KIAA1217: variants seen among roughly 807,000 people sequenced by gnomAD.
KIAA1217 encodes sickle tail protein homolog.
Under a neutral mutation model 163.9 loss-of-function variants are expected in KIAA1217, and 88 were observed. The observed-to-expected ratio is 0.54, with a 90% CI of 0.45 to 0.64. The LOEUF is 0.64. Among genes scored for constraint, KIAA1217 ranks in the 30% least tolerant of loss-of-function variants. The pLI is 0.00. For synonymous variants in KIAA1217, 903 were observed against 923.1 expected (o/e 0.98, Z 0.39); for missense variants, 2,372 against 2,475.0 (o/e 0.96, Z 0.88).
intron 2 of KIAA1217, among the ~76,000 whole-genome samples, chr10:24,359,044 T>C (rs2049521603): frequency 1.9e-5 from 2 of 107,184 alleles, no homozygotes; most frequent in African/African-American, 5.4e-5. Flanking sequence ...TCTAATACTT[T>C]CTTTCTTTCT....
In KIAA1217 at chr10:23,695,840, G is replaced by T. The variant is rs554166377; in HGVS notation, c.-321+606G>T. On this transcript the variant is annotated intron_variant, in intron 1 of 18. Coordinates refer to the KIAA1217 transcript ENST00000376462. This position sits in a 1 kb window ranked among gnomAD's most constrained non-coding sequence, Gnocchi z 4.9. The stretch of plus-strand genomic sequence containing the variant: ...GCAGGAGGCGAATGTGACGCTTAGG[G>T]TCGCTACGGTTGATGTTGGGCGCCT... Among the ~76,000 whole-genome samples, 5 of 152,224 alleles carry T rather than the reference G, an allele frequency of 3.3e-5. No individual in the cohort carries two copies. The highest frequency in any genetic ancestry group is 5.9e-5 in the Non-Finnish European group (4 of 68,046).
At chr10:23,773,865 A>G (rs368053172) in intron 1 of KIAA1217, among the ~76,000 whole-genome samples, 2,943 of 152,214 alleles carry the variant, frequency 0.019, 40 homozygotes, top group Middle Eastern at 0.075. Flanking sequence ...TTGGGCTGAG[A>G]CAATGGGGTT....
At chr10:24,388,709 A>C (rs2054388495) in intron 3 of KIAA1217, among the ~76,000 whole-genome samples, 1 of 144,390 alleles carries the variant, frequency 6.9e-6, no homozygotes, top group African/African-American at 2.5e-5. Flanking sequence ...AAACAAATTT[A>C]CAAGAAAAAA....
intron 2 of KIAA1217, among the ~76,000 whole-genome samples, chr10:24,257,212 T>G (rs759132600): frequency 2.6e-5 from 4 of 152,182 alleles, no homozygotes; most frequent in Non-Finnish European, 5.9e-5. Context: ...GCTCTTCAGT[T>G]TCTACCTGGT....
chr10:24,242,019 T>C (rs990030379), intron 2 of KIAA1217, among the ~76,000 whole-genome samples: 3 of 152,210 alleles, frequency 2.0e-5, no homozygotes, highest in African/African-American at 7.2e-5. Flanking sequence ...TTAGGCTGCA[T>C]TGAGGACTCT....
At chr10:24,013,802 G>A (rs553128510) in intron 2 of KIAA1217, among the ~76,000 whole-genome samples, 7 of 152,080 alleles carry the variant, frequency 4.6e-5, no homozygotes, top group Non-Finnish European at 7.4e-5. Flanking sequence ...TTGGCCATGC[G>A]CTATGGGGAG....
chr10:23,796,248 A>T lies in KIAA1217; in HGVS notation c.-321+101014A>T, dbSNP rs146792738. 2.6e-5 allele frequency among the ~76,000 whole-genome samples: 4 copies of T among 152,178 alleles called. No homozygotes were observed. In the East Asian group the frequency reaches 7.7e-4, roughly 29 times the overall value. ...AGTCTTGACCCTGACCCTCTAAATG[A>T]CCTTGTCTTAGTCACTTCACCTCTG... On this transcript the variant is annotated intron_variant, in intron 1 of 18. Coordinates refer to the KIAA1217 transcript ENST00000376462.
At chr10:24,037,764 A>G (rs993796236) in intron 2 of KIAA1217, among the ~76,000 whole-genome samples, 1 of 152,358 alleles carries the variant, frequency 6.6e-6, no homozygotes, top group South Asian at 2.1e-4. Context: ...CACAATTCAA[A>G]CAATATCATT....
intron 1 of KIAA1217, among the ~76,000 whole-genome samples, chr10:23,765,108 A>G (rs1306310119): frequency 6.6e-6 from 1 of 151,600 alleles, no homozygotes; most frequent in Non-Finnish European, 1.5e-5. Context: ...CTATAATATT[A>G]TAATAGTTAT....
At chr10:23,889,933 T>C (rs1036813465) in intron 1 of KIAA1217, among the ~76,000 whole-genome samples, 2 of 151,842 alleles carry the variant, frequency 1.3e-5, no homozygotes, top group African/African-American at 4.8e-5. Flanking sequence ...CAGAAGACAA[T>C]GTCATATCTT....
intron 1 of KIAA1217, among the ~76,000 whole-genome samples, chr10:23,861,398 G>A (rs1245336853): frequency 6.6e-6 from 1 of 152,192 alleles, no homozygotes; most frequent in Non-Finnish European, 1.5e-5. Flanking sequence ...TAGGCAGAAT[G>A]AACTCCAAAG....
intron 10 of KIAA1217, among the ~76,000 whole-genome samples, chr10:24,515,537 G>T (rs2069976567): frequency 6.6e-6 from 1 of 152,170 alleles, no homozygotes; most frequent in African/African-American, 2.4e-5. Context: ...GGCTTTATCT[G>T]GTTGGATTTG....
At chr10:23,940,485 GAAAAAAGA>G (rs1843722834) in intron 1 of KIAA1217, among the ~76,000 whole-genome samples, 4 of 113,884 alleles carry the variant, frequency 3.5e-5, no homozygotes, top group Non-Finnish European at 7.6e-5. Flanking sequence ...AAAAAAAAAA[GAAAAAAGA>G]AAAAAAGAAA....
chr10:23,799,568 G>A (rs932582280), intron 1 of KIAA1217, among the ~76,000 whole-genome samples: 3 of 152,100 alleles, frequency 2.0e-5, no homozygotes, highest in Admixed American at 6.5e-5. Flanking sequence ...ACCAACATGG[G>A]ATTTGGATGT....
At position 24,522,594 on chromosome 10, in the gene KIAA1217, T is replaced by A. The variant is rs188456585; in HGVS notation, c.2456+665T>A. On this transcript the variant is annotated intron_variant, in intron 12 of 20. Transcript: ENST00000376454. ...AAGGTAAACCTGCTCACCGAAGAGG[T>A]CACAGTGGAGTAAAGACCAAAAGAC... is the stretch of plus-strand genomic sequence containing the variant. 2.4e-3 allele frequency among the ~76,000 whole-genome samples: 368 copies of A among 152,032 alleles called. 1 individual carries two copies. The highest frequency in any genetic ancestry group is 0.019 in the South Asian group (90 of 4,792).
chr10:24,279,119 C>T (rs1337505245), intron 2 of KIAA1217, among the ~76,000 whole-genome samples: 1 of 152,106 alleles, frequency 6.6e-6, no homozygotes, highest in Non-Finnish European at 1.5e-5. Context: ...GGATTGCAGG[C>T]ATAAGCCACC....
At chr10:24,268,345 G>A (rs963073930) in intron 2 of KIAA1217, among the ~76,000 whole-genome samples, 3 of 152,076 alleles carry the variant, frequency 2.0e-5, no homozygotes, top group Non-Finnish European at 4.4e-5. Context: ...CTAATCTCCT[G>A]CCAATATATG....
chr10:23,709,305 C>T (rs746088496), intron 1 of KIAA1217, among the ~76,000 whole-genome samples: 3 of 152,128 alleles, frequency 2.0e-5, no homozygotes, highest in Non-Finnish European at 2.9e-5. Flanking sequence ...GGGCGGATCA[C>T]TTGAGTCTAG....
intron 2 of KIAA1217, among the ~76,000 whole-genome samples, chr10:24,370,136 G>A (rs1386746795): frequency 2.0e-5 from 3 of 151,858 alleles, no homozygotes; most frequent in Non-Finnish European, 4.4e-5. Context: ...GTGATGGCGG[G>A]CGCCTGTAGT....
Sources: allele counts gnomAD v4.1 joint callset (sites outside exome capture counted in the v4.1 genomes callset), GRCh38; gene constraint gnomAD v4.1.1; non-coding constraint Gnocchi (gnomAD v3.1); transcripts MANE v1.5; gene names NCBI Gene and HGNC (gene_info 2026-07-23, HGNC 2026-07-21).